The following NCAPH2 variants were observed in gnomAD, a reference collection of about 807,000 sequenced individuals.
NCAPH2 encodes the protein condensin-2 complex subunit H2.
NCAPH2 carries 56 observed loss-of-function variants against 88.6 expected under a neutral mutation model. That is an observed-to-expected ratio of 0.63 (90% CI 0.51 to 0.79). The LOEUF (loss-of-function observed/expected upper bound fraction) is 0.79. Ranked by LOEUF, NCAPH2 falls within the 30% of genes least tolerant of loss-of-function variation. The pLI, the probability that NCAPH2 is intolerant of heterozygous loss-of-function variation, is 0.00. For missense variants in NCAPH2, 794 were observed against 792.0 expected (o/e 1.00, Z -0.03); for synonymous variants, 378 against 313.6 (o/e 1.21, Z -2.17).
At chr22:50,521,305 C>T (rs61308391) in intron 10 of NCAPH2, among the ~76,000 whole-genome samples, 2 of 67,530 alleles carry the variant, frequency 3.0e-5, no homozygotes, top group Non-Finnish European at 3.4e-5. Flanking sequence ...GGCGGCTGTG[C>T]ACCCCCTACT....
Position 50,518,750 on chromosome 22 carries a change from C to A in NCAPH2, c.730+18C>A. On this transcript the variant is annotated intron_variant, in intron 8 of 19. Transcript: ENST00000420993. ...GGAGCCAGGTGAGAAGAGAGCTCCC[C>A]GGTGGGACTGGCAGGGCAGCCAAAG... The A allele has an allele frequency of 6.3e-7, 1 of 1,592,110 alleles. No individual in the cohort carries two copies. The highest frequency in any genetic ancestry group is 8.5e-7 in the Non-Finnish European group (1 of 1,170,442).
In NCAPH2 at chr22:50,524,547, C is replaced by A. The variant is rs1240277687; in HGVS notation, c.*1172C>A. On this transcript the variant is annotated 3_prime_UTR_variant, in exon 20 of 20. Coordinates refer to ENST00000420993, the MANE Select transcript of NCAPH2 (RefSeq NM_152299.4). ...CCAGCCCACGTTCAGGCTTAACAGG[C>A]ATTTGCAGCTGCTCACCTGAGCTCA... is the stretch of plus-strand genomic sequence containing the variant. The A allele has an allele frequency of 1.2e-6, 1 of 868,580 alleles. No individual in the cohort carries two copies. Among genetic ancestry groups the A allele is most frequent in the Non-Finnish European group, 1.9e-6 (1 of 523,824 alleles). 53.8% of individuals were successfully genotyped at this position (868,580 alleles called of 1,614,324 possible).
At chr22:50,518,866 T>G (rs1603441196) in intron 8 of NCAPH2, 134 bp downstream of exon 8, 1 of 923,696 alleles carries the variant, frequency 1.1e-6, no homozygotes, top group Non-Finnish European at 1.6e-6. Flanking sequence ...CCCATGGGAG[T>G]GAGGCCTCGC....
Position 50,521,525 on chromosome 22 carries a change from C to A in NCAPH2, c.934-18C>A. On this transcript the variant is annotated intron_variant, in intron 10 of 19. Coordinates refer to ENST00000420993, the MANE Select transcript of NCAPH2 (RefSeq NM_152299.4). ...GCACCCCCTACTTCTCCAGCGCCTT[C>A]TTGTGCTCTGTGCCCAGGAGACTCC... 4 of 1,613,370 alleles carry A rather than the reference C, an allele frequency of 2.5e-6. No homozygotes were observed. The highest frequency in any genetic ancestry group is 3.4e-6 in the Non-Finnish European group (4 of 1,179,894).
At position 50,524,058 on chromosome 22, in the gene NCAPH2, G is replaced by A; in HGVS notation, c.*683G>A. ...ACATCAGCACCCACTGGCCCCGGAA[G>A]TCAGCCTTGCAGCGAGCCCGGCCTC... On this transcript the variant is annotated 3_prime_UTR_variant, in exon 20 of 20. Transcript: ENST00000420993. 6.2e-7 allele frequency: 1 copy of A among 1,613,396 alleles called. No homozygotes were observed. The highest frequency in any genetic ancestry group is 8.5e-7 in the Non-Finnish European group (1 of 1,180,030).
At chr22:50,522,953 T>C (rs1263541895) in intron 18 of NCAPH2, 31 bp downstream of exon 18, 6 of 1,612,312 alleles carry the variant, frequency 3.7e-6, no homozygotes, top group South Asian at 1.1e-5. Flanking sequence ...ACCAGAGCTG[T>C]GTGCCACGGG....
Position 50,524,438 on chromosome 22 carries a change from C to G in NCAPH2, c.*1063C>G. 1 of 1,608,682 alleles carries G rather than the reference C, an allele frequency of 6.2e-7. No individual in the cohort carries two copies. The highest frequency in any genetic ancestry group is 8.5e-7 in the Non-Finnish European group (1 of 1,178,464). On this transcript the variant is annotated 3_prime_UTR_variant, in exon 20 of 20. Transcript: ENST00000420993. ...GATCTGATGCTCCTGGAAACAAGCA[C>G]AGGCGTCAGGAGCCAGAAGGGAAGG...
intron 1 of NCAPH2, among the ~76,000 whole-genome samples, chr22:50,515,188 T>TGGGGA (rs1009842747): frequency 5.9e-5 from 9 of 152,040 alleles, no homozygotes; most frequent in African/African-American, 2.2e-4. Flanking sequence ...AGAGTTTGCG[T>TGGGGA]GGGGACAGCT....
chr22:50,519,130 T>C, intron 8 of NCAPH2, 60 bp from the exon 9 acceptor site: 4 of 1,464,176 alleles, frequency 2.7e-6, no homozygotes, highest in Non-Finnish European at 3.7e-6. Context: ...TCAGGGTCCC[T>C]TTGGTGCCGT....
intron 9 of NCAPH2, chr22:50,520,286 C>G (rs577503009): frequency 6.6e-6 from 1 of 152,442 alleles, no homozygotes; most frequent in African/African-American, 2.4e-5. Flanking sequence ...GGGTCTTGCT[C>G]TGTTGCCCAG....
In NCAPH2 at chr22:50,522,410, C is replaced by T; in HGVS notation, c.1301C>T (p.Ala434Val). The change falls in exon 15 of 20, where the codon GCA becomes GTA. Residue 434 changes from alanine (A) to valine (V), a missense_variant. Physicochemically the swap from Ala to Val is moderately conservative, Grantham distance 64 (BLOSUM62 0). Transcript: ENST00000420993. ...HLEDSLEDLG[A>V]ADDFLEPEEY... Reference sequence around the variant, plus strand: ...GAGGATTCCCTGGAAGACCTGGGGGCAGCAGGTGGGTGCCTGCCAGGGGGT... The same window carrying T: ...GAGGATTCCCTGGAAGACCTGGGGGTAGCAGGTGGGTGCCTGCCAGGGGGT... 1 of 1,610,846 alleles carries T rather than the reference C, an allele frequency of 6.2e-7. No homozygotes were observed.
chr22:50,520,259 T>C (rs2069049380), intron 9 of NCAPH2, among the ~76,000 whole-genome samples: 1 of 151,846 alleles, frequency 6.6e-6, no homozygotes, highest in South Asian at 2.1e-4. Flanking sequence ...TTATTTTATT[T>C]ATTTATTTTT....
intron 9 of NCAPH2, chr22:50,520,650 CT>C (rs2069060831): frequency 4.1e-6 from 1 of 246,048 alleles, no homozygotes; most frequent in Non-Finnish European, 7.9e-6. Context: ...CCTCTGCCTC[CT>C]GGGTTCAAGC....
At chr22:50,516,353 C>G in intron 1 of NCAPH2, 94 bp from the exon 2 acceptor site, 1 of 1,158,044 alleles carries the variant, frequency 8.6e-7, no homozygotes, top group African/African-American at 1.5e-5. Context: ...TCGGGAGGTG[C>G]TGGGCAGAGA....
intron 7 of NCAPH2, 90 bp from the exon 8 acceptor site, chr22:50,518,559 C>G: frequency 7.5e-7 from 1 of 1,330,428 alleles, no homozygotes; most frequent in East Asian, 2.5e-5. Context: ...TGCCCTCCTG[C>G]TGGCCCCTTG....
In NCAPH2 at chr22:50,524,536, G is replaced by T; in HGVS notation, c.*1161G>T. 1 of 945,246 alleles carries T rather than the reference G, an allele frequency of 1.1e-6. No individual in the cohort carries two copies. Among genetic ancestry groups the T allele is most frequent in the South Asian group, 1.4e-5 (1 of 71,706 alleles). 58.6% of individuals were successfully genotyped at this position (945,246 alleles called of 1,614,324 possible). On this transcript the variant is annotated 3_prime_UTR_variant, in exon 20 of 20. Transcript: ENST00000420993. ...ATCTGAAGGACCCAGCCCACGTTCA[G>T]GCTTAACAGGCATTTGCAGCTGCTC...
intron 1 of NCAPH2, chr22:50,515,751 A>G (rs192328205): frequency 8.3e-6 from 10 of 1,203,488 alleles, no homozygotes; most frequent in Non-Finnish European, 1.1e-5. Flanking sequence ...ACAGGAGATG[A>G]GCCAGCGTTG....
Position 50,523,096 on chromosome 22 carries a change from C to T in NCAPH2, c.1607C>T (p.Pro536Leu), listed in dbSNP as rs368815073. The T allele has an allele frequency of 5.0e-6, 8 of 1,613,322 alleles. No homozygotes were observed. Among genetic ancestry groups the T allele is most frequent in the East Asian group, 2.2e-5 (1 of 44,846 alleles). ...TTCCCCCAGCTCAATGAGTGGTGTC[C>T]CTTTGCGGAGCTGGTGGCTGGCCAG... ...SRFPQLNEWC[P>L]FAELVAGQPA... is the part of the protein sequence containing the mutation. The change falls in exon 19 of 20, where the codon CCC (proline) becomes CTC (leucine). Residue 536 changes from proline to leucine, a missense_variant. By Grantham distance (98) the Pro-to-Leu change is moderately conservative (BLOSUM62 -3). Coordinates refer to ENST00000420993, the MANE Select transcript of NCAPH2 (RefSeq NM_152299.4).
At position 50,518,247 on chromosome 22, in the gene NCAPH2, G is replaced by T. The variant is rs143114125; in HGVS notation, c.615G>T (p.Ala205=). ...AGGGCATGTCCCCCATGGAACCAGCGGGCGTTTCCCCCATGCCAGGGACCC... is the reference window on the plus strand; with the variant it reads ...AGGGCATGTCCCCCATGGAACCAGCTGGCGTTTCCCCCATGCCAGGGACCC... ...EPEGMSPMEP[A]GVSPMPGTQK... The change falls in exon 7 of 20, where the codon GCG becomes GCT. Residue 205 remains alanine (A), a synonymous_variant. Coordinates refer to ENST00000420993, the MANE Select transcript of NCAPH2 (RefSeq NM_152299.4). The T allele has an allele frequency of 6.2e-7, 1 of 1,613,734 alleles. No homozygotes were observed. Among genetic ancestry groups the T allele is most frequent in the East Asian group, 2.2e-5 (1 of 44,882 alleles).
Sources: allele counts gnomAD v4.1 joint callset (sites outside exome capture counted in the v4.1 genomes callset), GRCh38; gene constraint gnomAD v4.1.1; transcripts MANE v1.5; gene names NCBI Gene and HGNC (gene_info 2026-07-23, HGNC 2026-07-21).